PRKAR1A: variants seen among roughly 807,000 people sequenced by gnomAD.
PRKAR1A encodes the protein protein kinase cAMP-dependent type I regulatory subunit alpha.
A neutral mutation model predicts 52.0 loss-of-function variants in PRKAR1A; 3 were observed. The observed-to-expected ratio is 0.06, with a 90% CI of 0.03 to 0.15. The LOEUF (loss-of-function observed/expected upper bound fraction) is 0.15. PRKAR1A is among the 10% of genes least tolerant of loss of function. PRKAR1A has a pLI of 1.00. For missense variants in PRKAR1A, 240 were observed against 477.4 expected (o/e 0.50, Z 4.63); for synonymous variants, 188 against 168.4 (o/e 1.12, Z -0.90).
chr17:68,500,511 ATTT>A, the PRKAR1A span, among the ~76,000 whole-genome samples: 27 of 140,428 alleles, frequency 1.9e-4, no homozygotes, highest in East Asian at 4.2e-4. Context: ...AGTCTCGAGT[ATTT>A]TTTTTTTTTT....
the PRKAR1A span, among the ~76,000 whole-genome samples, chr17:68,473,800 C>G: frequency 6.6e-6 from 1 of 152,112 alleles, no homozygotes; most frequent in Non-Finnish European, 1.5e-5. Context: ...GGATTACAGG[C>G]GTGAACCACC....
Position 68,523,716 on chromosome 17 carries a change from C to CT in PRKAR1A, c.349-5dup, listed in dbSNP as rs3841514. On this transcript the variant is annotated splice_polypyrimidine_tract_variant and intron_variant, in intron 3 of 10. Transcript: ENST00000589228. ...TGGAATTGTCATTTGACCTTCAGTT[C>CT]TTTTCTAGGTTATACCAAAAGATTA... 0.23 allele frequency: 365,062 copies of CT among 1,608,220 alleles called. 42,341 individuals carry two copies. The highest frequency in any genetic ancestry group is 0.27 in the South Asian group (24,489 of 90,922).
chr17:68,442,390 G>A, the PRKAR1A span, among the ~76,000 whole-genome samples: 1 of 151,710 alleles, frequency 6.6e-6, no homozygotes, highest in East Asian at 1.9e-4. Flanking sequence ...ACTTGAATCC[G>A]GGAGGCGAAG....
At chr17:68,540,842 G>A in intron 11 of PRKAR1A, 3 of 1,592,264 alleles carry the variant, frequency 1.9e-6, no homozygotes, top group Non-Finnish European at 2.6e-6. Context: ...TGCGTGTGGG[G>A]ACCTACCTAT....
At chr17:68,463,410 C>A in the PRKAR1A span, among the ~76,000 whole-genome samples, 1 of 152,210 alleles carries the variant, frequency 6.6e-6, no homozygotes, top group East Asian at 1.9e-4. Flanking sequence ...TTCATCCATT[C>A]ATTCATTTGA....
the PRKAR1A span, among the ~76,000 whole-genome samples, chr17:68,426,838 T>A: frequency 6.6e-6 from 1 of 152,196 alleles, no homozygotes; most frequent in Non-Finnish European, 1.5e-5. Context: ...CCTGGCCTCA[T>A]TGGAATTTTT....
intron 2 of PRKAR1A, among the ~76,000 whole-genome samples, chr17:68,517,182 A>C (rs1448072159): frequency 6.6e-6 from 1 of 152,226 alleles, no homozygotes; most frequent in Non-Finnish European, 1.5e-5. Flanking sequence ...TCACAGTTCA[A>C]CATGGTTTTT....
the PRKAR1A span, among the ~76,000 whole-genome samples, chr17:68,477,588 C>G: frequency 2.0e-5 from 3 of 152,132 alleles, no homozygotes; most frequent in African/African-American, 7.2e-5. Flanking sequence ...CCCATCTGGT[C>G]AAATTCAGAT....
At position 68,530,269 on chromosome 17, in the gene PRKAR1A, T is replaced by C. The variant is rs2143389252; in HGVS notation, c.974-8T>C. 4 of 1,614,086 alleles carry C rather than the reference T, an allele frequency of 2.5e-6. No individual in the cohort carries two copies. Among genetic ancestry groups the C allele is most frequent in the Non-Finnish European group, 3.4e-6 (4 of 1,179,936 alleles). On this transcript the variant is annotated splice_region_variant and splice_polypyrimidine_tract_variant and intron_variant, in intron 10 of 10. Transcript: ENST00000589228. ...AGTTAGCCTGTTACCCATCTTTGCT[T>C]TCTCCAGGTGAAATTGCACTACTGA...
chr17:68,517,227 A>G (rs534578060), intron 2 of PRKAR1A, among the ~76,000 whole-genome samples: 79 of 152,344 alleles, frequency 5.2e-4, no homozygotes, highest in African/African-American at 1.9e-3. Context: ...ACATGTATAC[A>G]TTCCTTCCAG....
chr17:68,434,828 T>C, the PRKAR1A span, among the ~76,000 whole-genome samples: 1 of 152,310 alleles, frequency 6.6e-6, no homozygotes, highest in East Asian at 1.9e-4. Flanking sequence ...GTCTACCTTT[T>C]CCCTTCCACC....
At chr17:68,506,476 T>C in the PRKAR1A span, among the ~76,000 whole-genome samples, 1 of 148,528 alleles carries the variant, frequency 6.7e-6, no homozygotes, top group East Asian at 2.0e-4. Flanking sequence ...CCCTTCAGAC[T>C]GTGAAATTTT....
rs532354823 is a variant in PRKAR1A at position 68,546,808 on chromosome 17, C to T, written c.974-4276C>T. 7.1e-5 allele frequency among the ~76,000 whole-genome samples: 9 copies of T among 126,354 alleles called. 1 individual carries two copies. Among genetic ancestry groups the T allele is most frequent in the South Asian group, 5.2e-4 (2 of 3,860 alleles). The allele number at this position is 126,354 out of a possible 152,430, so 82.9% of individuals were successfully genotyped here. On this transcript the variant is annotated intron_variant, in intron 11 of 11. Coordinates refer to the PRKAR1A transcript ENST00000585981. ...TTGAGCCACTGGACTCCAGCCTGGG[C>T]GAGAGTGCGAGACTACGGCTCAAAA...
At chr17:68,547,267 T>C (rs543020524) in intron 11 of PRKAR1A, among the ~76,000 whole-genome samples, 68 of 152,258 alleles carry the variant, frequency 4.5e-4, no homozygotes, top group Admixed American at 3.3e-3. Context: ...TCTTTATCAT[T>C]ATTATTATTA....
chr17:68,427,061 G>A, the PRKAR1A span: 2 of 1,253,910 alleles, frequency 1.6e-6, no homozygotes, highest in Non-Finnish European at 1.2e-6. Context: ...GGGGGAAGGG[G>A]AGGGAGCGTG....
At chr17:68,534,560 C>CTTTTTTTTTTTTTTTTTTTTTTTTT (rs34994040), downstream of PRKAR1A, among the ~76,000 whole-genome samples, 9 of 111,048 alleles carry the variant, frequency 8.1e-5, 1 homozygote, top group South Asian at 3.1e-4. Flanking sequence ...TTTTTAGTGC[C>CTTTTTTTTTTTTTTTTTTTTTTTTT]TTTTTTTTTT....
the PRKAR1A span, among the ~76,000 whole-genome samples, chr17:68,445,524 C>A: frequency 6.6e-6 from 1 of 152,210 alleles, no homozygotes; most frequent in Non-Finnish European, 1.5e-5. Flanking sequence ...TTGAACACCC[C>A]AGTGCCCCAC....
chr17:68,426,245 GGA>G, the PRKAR1A span: 248 of 948,234 alleles, frequency 2.6e-4, 8 homozygotes, highest in African/African-American at 3.0e-3. Flanking sequence ...TGGCGGGTGG[GGA>G]GCGGGGGCTC....
the PRKAR1A span, among the ~76,000 whole-genome samples, chr17:68,454,507 G>A: frequency 4.6e-4 from 70 of 152,298 alleles, no homozygotes; most frequent in Middle Eastern, 3.4e-3. Flanking sequence ...AGCTGGTGAC[G>A]TCTCGCAGCC....
Sources: gnomAD v4.1 joint callset for allele counts (sites outside exome capture counted in the v4.1 genomes callset) on GRCh38, gnomAD v4.1.1 for gene constraint, MANE v1.5 for transcripts, NCBI Gene and HGNC (gene_info 2026-07-23, HGNC 2026-07-21) for gene names.